Variants in PLEKHG4B observed in about 807,000 individuals in gnomAD.
The protein encoded by PLEKHG4B is pleckstrin homology domain-containing family G member 4B.
PLEKHG4B carries 111 observed loss-of-function variants against 121.3 expected under a neutral mutation model. The observed-to-expected ratio is 0.92, with a 90% CI of 0.78 to 1.07. The LOEUF (loss-of-function observed/expected upper bound fraction) is 1.07. PLEKHG4B is among the 50% of genes least tolerant of loss of function. The pLI is 0.00. For missense variants in PLEKHG4B, 1,831 were observed against 1,757.8 expected (o/e 1.04, Z -0.74); for synonymous variants, 738 against 725.0 (o/e 1.02, Z -0.29).
intron 2 of PLEKHG4B, among the ~76,000 whole-genome samples, chr5:127,348 T>TATG (rs1734650022): frequency 6.9e-6 from 1 of 145,228 alleles, no homozygotes; most frequent in Non-Finnish European, 1.5e-5. Flanking sequence ...TTTTTATTAT[T>TATG]ATTATTATTA....
intron 2 of PLEKHG4B, among the ~76,000 whole-genome samples, chr5:115,831 G>T (rs948831019): frequency 1.3e-5 from 2 of 152,232 alleles, no homozygotes; most frequent in Non-Finnish European, 2.9e-5. Flanking sequence ...GTTAGGCTTT[G>T]GCTTAAGGGA....
intron 17 of PLEKHG4B, 74 bp from the exon 18 acceptor site, chr5:173,844 T>G: frequency 6.5e-7 from 1 of 1,534,174 alleles, no homozygotes; most frequent in Non-Finnish European, 8.8e-7. Context: ...CCTCCAGCAC[T>G]GAGGAATTTG....
At chr5:111,487 GC>G (rs1734156236) in intron 1 of PLEKHG4B, among the ~76,000 whole-genome samples, 1 of 152,212 alleles carries the variant, frequency 6.6e-6, no homozygotes, top group Admixed American at 6.5e-5. Context: ...TGAGACGGTG[GC>G]CCTGGAGAAG....
At position 140,438 on chromosome 5, in the gene PLEKHG4B, A is replaced by C; in HGVS notation, c.1199A>C (p.Glu400Ala). ...GCAGTAGCCAGTGGGACCCAGGAGG[A>C]AACCTCTGGCCCCCGGGGAGACCCC... ...TGAVASGTQE[E>A]TSGPRGDPQQ... Residue 400 changes from glutamate (E) to alanine (A), a missense_variant, in exon 3 of 20, where the codon GAA becomes GCA. Coordinates refer to ENST00000637938, the MANE Select transcript of PLEKHG4B (RefSeq NM_052909.5). 6.4e-7 allele frequency: 1 copy of C among 1,572,014 alleles called. No individual in the cohort carries two copies. Among genetic ancestry groups the C allele is most frequent in the Non-Finnish European group, 8.6e-7 (1 of 1,159,430 alleles).
At chr5:138,738 C>T (rs1735057626) in intron 2 of PLEKHG4B, among the ~76,000 whole-genome samples, 1 of 152,226 alleles carries the variant, frequency 6.6e-6, no homozygotes, top group Non-Finnish European at 1.5e-5. Context: ...TCTGCAGAAG[C>T]AACTGAAACC....
At position 113,455 on chromosome 5, in the gene PLEKHG4B, A is replaced by G. The variant is rs978275333; in HGVS notation, c.243+7A>G. The G allele has an allele frequency of 2.5e-6, 1 of 398,760 alleles. No individual in the cohort carries two copies. Among genetic ancestry groups the G allele is most frequent in the Admixed American group, 4.4e-5 (1 of 22,692 alleles). 24.7% of individuals were successfully genotyped at this position (398,760 alleles called of 1,614,324 possible). ...CCTGCAGCAGGAAGCCTGTGTGAGT[A>G]CCTCCCTTGTAGCTCTGAGACCGTG... On this transcript the variant is annotated splice_region_variant and intron_variant, in intron 2 of 19. Transcript: ENST00000637938. The surrounding 1 kb of genome is among the most constrained non-coding windows in gnomAD (Gnocchi z 5.2).
rs1735720131 is a variant in PLEKHG4B at position 154,891 on chromosome 5, C to T, written c.2009C>T (p.Ser670Phe). The T allele has an allele frequency of 1.2e-6, 2 of 1,613,842 alleles. No homozygotes were observed. The highest frequency in any genetic ancestry group is 1.7e-6 in the Non-Finnish European group (2 of 1,180,002). Residue 670 changes from serine to phenylalanine, a missense_variant, in exon 8 of 20, where the codon TCC (serine) becomes TTC (phenylalanine). Transcript: ENST00000637938. ...DAIIQCEVVSSLKAVHKFVDS... is the reference protein window; with the variant it reads ...DAIIQCEVVSFLKAVHKFVDS... ...TCTTGGCAGTGTGAGGTCGTGAGCT[C>T]CCTGAAGGCCGTGCACAAATTTGTT...
intron 9 of PLEKHG4B, 149 bp from the exon 10 acceptor site, chr5:155,922 G>A (rs547239415): frequency 3.5e-4 from 283 of 797,324 alleles, no homozygotes; most frequent in Non-Finnish European, 5.0e-4. Flanking sequence ...GGGACAGTCC[G>A]GACCATCAGC....
rs1048866753 is a variant in PLEKHG4B, at chr5:103,096, G to A, written c.46-10155G>A. On this transcript the variant is annotated intron_variant, in intron 1 of 19. Coordinates refer to ENST00000637938, the MANE Select transcript of PLEKHG4B (RefSeq NM_052909.5). The stretch of plus-strand genomic sequence containing the variant: ...TGGCCCAGGACAGGAGCCTTGCCCT[G>A]GGATGGCTGCAGTGTTGTCTGTCTT... Among the ~76,000 whole-genome samples the A allele has an allele frequency of 1.3e-5, 2 of 152,142 alleles. 1 individual carries two copies. Among genetic ancestry groups the A allele is most frequent in the Admixed American group, 1.3e-4 (2 of 15,278 alleles).
At position 151,530 on chromosome 5, in the gene PLEKHG4B, A is replaced by G. The variant is rs771323142; in HGVS notation, c.1923A>G (p.Ile641Met). ...TATTTCAGAACAACACATCTCCTAT[A>G]ATTCATAGTATCTTGCTGTTGGTAG... is the stretch of plus-strand genomic sequence containing the variant. Reference protein sequence around the residue: ...LSGLQNNTSPIIHSILLLVDK... With the variant: ...LSGLQNNTSPMIHSILLLVDK... Residue 641 changes from isoleucine (I) to methionine (M), a missense_variant, in exon 7 of 20, where the codon ATA (isoleucine) becomes ATG (methionine). Transcript: ENST00000637938. 1.3e-6 allele frequency: 2 copies of G among 1,572,076 alleles called. No homozygotes were observed. The highest frequency in any genetic ancestry group is 1.7e-6 in the Non-Finnish European group (2 of 1,145,268).
rs1005352233 is a variant in PLEKHG4B, at chr5:113,097, G to A, written c.46-154G>A. 2.6e-5 allele frequency among the ~76,000 whole-genome samples: 4 copies of A among 152,144 alleles called. No individual in the cohort carries two copies. Among genetic ancestry groups the A allele is most frequent in the Non-Finnish European group, 4.4e-5 (3 of 68,026 alleles). On this transcript the variant is annotated intron_variant, in intron 1 of 19. Coordinates refer to ENST00000637938, the MANE Select transcript of PLEKHG4B (RefSeq NM_052909.5). The surrounding 1 kb of genome is among the most constrained non-coding windows in gnomAD (Gnocchi z 5.2). ...GGAGCTCGCCCTGCACCATGGATTC[G>A]CCTGCACATTTTGTCTTTCTCAGTT...
At chr5:148,157 A>G (rs572469402) in intron 6 of PLEKHG4B, among the ~76,000 whole-genome samples, 14 of 152,300 alleles carry the variant, frequency 9.2e-5, no homozygotes, top group African/African-American at 3.1e-4. Flanking sequence ...CTTCTCATCT[A>G]AAATCAGGAA....
In PLEKHG4B at chr5:163,253, T is replaced by C; in HGVS notation, c.3181T>C (p.Ser1061Pro). The C allele has an allele frequency of 1.2e-6, 2 of 1,611,692 alleles. No individual in the cohort carries two copies. The highest frequency in any genetic ancestry group is 1.3e-5 in the African/African-American group (1 of 74,994). Residue 1061 changes from serine (S) to proline (P), a missense_variant, in exon 13 of 20, where the codon TCT (serine) becomes CCT (proline). Physicochemically the swap from Ser to Pro is moderately conservative, Grantham distance 74. Coordinates refer to ENST00000637938, the MANE Select transcript of PLEKHG4B (RefSeq NM_052909.5). The part of the protein sequence containing the change: ...AHLEDSSACS[S>P]EPTQTLASRP... Reference sequence around the variant, plus strand: ...CCTGGAGGACAGCTCTGCCTGTTCCTCTGAGCCCACCCAGACCCTGGCCAG... The same window carrying C: ...CCTGGAGGACAGCTCTGCCTGTTCCCCTGAGCCCACCCAGACCCTGGCCAG...
In PLEKHG4B at chr5:143,106, C is replaced by G; in HGVS notation, c.1537C>G (p.Pro513Ala). 3 of 1,613,040 alleles carry G rather than the reference C, an allele frequency of 1.9e-6. No homozygotes were observed. Among genetic ancestry groups the G allele is most frequent in the Non-Finnish European group, 2.5e-6 (3 of 1,180,012 alleles). ...TDGGSLHCHNPSGPSDVPARQ... is the reference protein window; with the variant it reads ...TDGGSLHCHNASGPSDVPARQ... Reference sequence around the variant, plus strand: ...CGGCGGCAGCCTCCATTGCCACAACCCCAGCGGGCCTTCCGATGTGCCTGC... The same window carrying G: ...CGGCGGCAGCCTCCATTGCCACAACGCCAGCGGGCCTTCCGATGTGCCTGC... Residue 513 changes from proline (P) to alanine (A), a missense_variant, in exon 4 of 20, where the codon CCC becomes GCC. Coordinates refer to ENST00000637938, the MANE Select transcript of PLEKHG4B (RefSeq NM_052909.5).
intron 18 of PLEKHG4B, 85 bp downstream of exon 18, chr5:174,183 A>T: frequency 3.3e-4 from 127 of 379,368 alleles, no homozygotes; most frequent in Middle Eastern, 1.1e-3. Context: ...GGTGAGAGCC[A>T]GGGGCTGAGT....
intron 1 of PLEKHG4B, among the ~76,000 whole-genome samples, chr5:101,936 A>G (rs341258): frequency 1.5e-4 from 11 of 74,018 alleles, no homozygotes; most frequent in Admixed American, 2.3e-4. Context: ...GAAAAAGTCT[A>G]TAGGGGAGAG....
At chr5:134,847 A>C (rs930932162) in intron 2 of PLEKHG4B, among the ~76,000 whole-genome samples, 15 of 152,098 alleles carry the variant, frequency 9.9e-5, no homozygotes, top group African/African-American at 3.6e-4. Flanking sequence ...AAATCAACAC[A>C]AATCAGTTGT....
chr5:147,380 GT>G lies in PLEKHG4B; in HGVS notation c.1905+2461del, dbSNP rs1205101285. On this transcript the variant is annotated intron_variant, in intron 6 of 19. Transcript: ENST00000637938. Reference sequence around the variant, plus strand: ...CTGTCCCTGGTTGGGCACCTGGGCAGTGGTCTGTGCTTCACCTAGACAAAGA... The same window carrying G: ...CTGTCCCTGGTTGGGCACCTGGGCAGGGTCTGTGCTTCACCTAGACAAAGA... Among the ~76,000 whole-genome samples, 15 of 152,324 alleles carry G rather than the reference GT, an allele frequency of 9.8e-5. No individual in the cohort carries two copies. The South Asian group carries it at 3.1e-3, about 32-fold the overall frequency.
intron 18 of PLEKHG4B, among the ~76,000 whole-genome samples, chr5:181,234 A>G (rs1205820455): frequency 6.6e-6 from 1 of 152,038 alleles, no homozygotes; most frequent in Non-Finnish European, 1.5e-5. Context: ...GCTGACAGGA[A>G]CCCTTCCTCA....
Sources: allele counts gnomAD v4.1 joint callset (sites outside exome capture counted in the v4.1 genomes callset), GRCh38; gene constraint gnomAD v4.1.1; non-coding constraint Gnocchi (gnomAD v3.1); transcripts MANE v1.5; gene names NCBI Gene and HGNC (gene_info 2026-07-23, HGNC 2026-07-21).